SGPP2: variants seen among roughly 807,000 people sequenced by gnomAD.
SGPP2 encodes the protein sphingosine 1-phosphate phosphohydrolase 2.
A neutral mutation model predicts 33.9 loss-of-function variants in SGPP2; 30 were observed. That is an observed-to-expected ratio of 0.89 (90% CI 0.66 to 1.20). The LOEUF (loss-of-function observed/expected upper bound fraction) is 1.20. Ranked by LOEUF, SGPP2 falls within the 50% of genes most tolerant of loss-of-function variation. The pLI is 0.00. For missense variants in SGPP2, 458 were observed against 532.1 expected (o/e 0.86, Z 1.37); for synonymous variants, 233 against 225.0 (o/e 1.04, Z -0.32).
At chr2:222,484,497 G>A (rs1001145209) in intron 2 of SGPP2, among the ~76,000 whole-genome samples, 1 of 152,190 alleles carries the variant, frequency 6.6e-6, no homozygotes, top group Non-Finnish European at 1.5e-5. Context: ...GATGAAATTC[G>A]GTTGGATCTG....
chr2:222,486,007 G>T (rs575938012), intron 2 of SGPP2, among the ~76,000 whole-genome samples: 2 of 152,332 alleles, frequency 1.3e-5, no homozygotes, highest in Admixed American at 1.3e-4. Flanking sequence ...ACAGGGTGGG[G>T]CTTCCCAGGG....
intron 1 of SGPP2, 55 bp downstream of exon 1, chr2:222,424,876 G>C (rs1697036868): frequency 4.8e-6 from 6 of 1,245,690 alleles, no homozygotes; most frequent in Non-Finnish European, 4.1e-6. Flanking sequence ...GCGGACGTGC[G>C]GGTCCCTGCG....
At chr2:222,489,901 G>T (rs753018109) in intron 2 of SGPP2, among the ~76,000 whole-genome samples, 1 of 152,140 alleles carries the variant, frequency 6.6e-6, no homozygotes, top group Admixed American at 6.5e-5. Flanking sequence ...GGAGATGGAG[G>T]TTGCAGTGAG....
chr2:222,503,605 T>G (rs946911414), intron 2 of SGPP2, among the ~76,000 whole-genome samples: 1 of 152,186 alleles, frequency 6.6e-6, no homozygotes, highest in African/African-American at 2.4e-5. Context: ...CCAGTGATTA[T>G]AATGTCTATT....
intron 2 of SGPP2, among the ~76,000 whole-genome samples, chr2:222,501,403 G>A (rs1397720028): frequency 6.6e-6 from 1 of 152,086 alleles, no homozygotes; most frequent in African/African-American, 2.4e-5. Context: ...ACCCACTGAG[G>A]TGACTTCTAG....
chr2:222,428,517 A>T (rs1355728654), intron 1 of SGPP2, among the ~76,000 whole-genome samples: 10 of 152,238 alleles, frequency 6.6e-5, no homozygotes, highest in Non-Finnish European at 1.3e-4. Context: ...CTGCTCAGAC[A>T]TAGTTCTCAC....
intron 1 of SGPP2, among the ~76,000 whole-genome samples, chr2:222,425,294 G>T (rs183454955): frequency 6.6e-6 from 1 of 151,080 alleles, no homozygotes. Flanking sequence ...GCGCTGCACC[G>T]CCAGCTCTGG....
At chr2:222,459,142 C>CTTTTTTTTTTTTTTTTTTTTTTTTTT (rs1164145783) in intron 1 of SGPP2, among the ~76,000 whole-genome samples, 11 of 94,458 alleles carry the variant, frequency 1.2e-4, no homozygotes, top group Non-Finnish European at 1.9e-4. Flanking sequence ...TTCTTTCTTT[C>CTTTTTTTTTTTTTTTTTTTTTTTTTT]TTTTTTTTTT....
intron 2 of SGPP2, among the ~76,000 whole-genome samples, 191 bp downstream of exon 2, chr2:222,474,917 G>T (rs1030085173): frequency 2.0e-5 from 3 of 151,872 alleles, no homozygotes; most frequent in Non-Finnish European, 2.9e-5. Context: ...GAACAGTAAG[G>T]GAATTGTAGA....
intron 1 of SGPP2, among the ~76,000 whole-genome samples, chr2:222,462,890 T>C (rs73065636): frequency 0.047 from 7,114 of 151,942 alleles, 253 homozygotes; most frequent in African/African-American, 0.096. Context: ...TCGGAGGAGG[T>C]AGTCTGGGTG....
chr2:222,548,569 T>C (rs1215016980), intron 4 of SGPP2, among the ~76,000 whole-genome samples: 1 of 152,206 alleles, frequency 6.6e-6, no homozygotes, highest in Non-Finnish European at 1.5e-5. Context: ...AAAGACATGC[T>C]TTCGGTGACA....
rs993374931 is a variant in SGPP2 at position 222,477,888 on chromosome 2, C to T, written c.378+3162C>T. Among the ~76,000 whole-genome samples, 13 of 152,078 alleles carry T rather than the reference C, an allele frequency of 8.5e-5. No individual in the cohort carries two copies. Among genetic ancestry groups the T allele is most frequent in the African/African-American group, 3.1e-4 (13 of 41,390 alleles). On this transcript the variant is annotated intron_variant, in intron 2 of 4. Transcript: ENST00000321276. This position sits in a 1 kb window ranked among gnomAD's most constrained non-coding sequence, Gnocchi z 6.0. The stretch of plus-strand genomic sequence containing the variant: ...CTGAGGCAAAATGACAAGCTTTTGT[C>T]ATAGAGTGAGGCAAATAAAATCTTT...
intron 4 of SGPP2, among the ~76,000 whole-genome samples, chr2:222,551,387 C>T (rs1255834711): frequency 6.6e-6 from 1 of 152,086 alleles, no homozygotes; most frequent in Non-Finnish European, 1.5e-5. Flanking sequence ...ATAAAAAGAA[C>T]AGATCCAGTT....
intron 4 of SGPP2, among the ~76,000 whole-genome samples, chr2:222,547,443 T>C (rs935468870): frequency 6.6e-6 from 1 of 152,248 alleles, no homozygotes. Flanking sequence ...AAATTTTGTC[T>C]GTTTCATGAA....
chr2:222,551,464 T>TA (rs1167217188), intron 4 of SGPP2, among the ~76,000 whole-genome samples: 1 of 151,876 alleles, frequency 6.6e-6, no homozygotes, highest in South Asian at 2.1e-4. Context: ...AAAACTAACA[T>TA]AAAAAGTTGT....
intron 1 of SGPP2, among the ~76,000 whole-genome samples, chr2:222,471,447 T>C (rs1467769105): frequency 2.0e-5 from 3 of 152,092 alleles, no homozygotes; most frequent in Admixed American, 1.3e-4. Context: ...AGTATAAAAG[T>C]ACTCTCAGCC....
At chr2:222,438,099 G>A (rs534912741) in intron 1 of SGPP2, among the ~76,000 whole-genome samples, 1 of 152,286 alleles carries the variant, frequency 6.6e-6, no homozygotes. Flanking sequence ...ACCCAAATGA[G>A]GGATATGTTG....
chr2:222,448,318 A>G (rs557795258), intron 1 of SGPP2, among the ~76,000 whole-genome samples: 54 of 152,308 alleles, frequency 3.5e-4, no homozygotes, highest in Middle Eastern at 3.4e-3. Context: ...TGGTTGTTCA[A>G]ACAAAAGGAC....
chr2:222,558,990 TAAC>T lies in SGPP2; in HGVS notation c.*101_*103del, dbSNP rs372447599. 45 of 1,291,118 alleles carry T rather than the reference TAAC, an allele frequency of 3.5e-5. No homozygotes were observed. The African/African-American group carries it at 4.0e-4, about 11-fold the overall frequency. 80.0% of individuals were successfully genotyped at this position (1,291,118 alleles called of 1,614,324 possible). Reference sequence around the variant, plus strand: ...CAAATCTTGACAACTTATTTTTCTTTAACAACAACAAAAAGTCATACGGCTGTC... The same window carrying T: ...CAAATCTTGACAACTTATTTTTCTTTAACAACAAAAAGTCATACGGCTGTC... On this transcript the variant is annotated 3_prime_UTR_variant, in exon 5 of 5. Coordinates refer to ENST00000321276, the MANE Select transcript of SGPP2 (RefSeq NM_152386.4).
Sources: allele counts gnomAD v4.1 joint callset (sites outside exome capture counted in the v4.1 genomes callset), GRCh38; gene constraint gnomAD v4.1.1; non-coding constraint Gnocchi (gnomAD v3.1); transcripts MANE v1.5; gene names NCBI Gene and HGNC (gene_info 2026-07-23, HGNC 2026-07-21).